The following USP32 variants were observed in gnomAD, a reference collection of about 807,000 sequenced individuals.
USP32 encodes ubiquitin carboxyl-terminal hydrolase 32.
A neutral mutation model predicts 204.8 loss-of-function variants in USP32; 59 were observed. That is an observed-to-expected ratio of 0.29 (90% confidence interval 0.23 to 0.36). The LOEUF (loss-of-function observed/expected upper bound fraction) is 0.36. Ranked by LOEUF, USP32 falls within the 10% of genes least tolerant of loss-of-function variation. USP32 has a pLI of 1.00. For synonymous variants in USP32, 517 were observed against 678.4 expected (o/e 0.76, Z 3.70); for missense variants, 1,160 against 1,946.4 (o/e 0.60, Z 7.60).
intron 16 of USP32, among the ~76,000 whole-genome samples, chr17:60,218,122 C>T (rs549188684): frequency 2.6e-5 from 4 of 152,290 alleles, no homozygotes; most frequent in East Asian, 3.9e-4. Context: ...CTACGAAACA[C>T]TACTGAAAGA....
At chr17:60,289,347 A>C (rs2087210125) in intron 4 of USP32, among the ~76,000 whole-genome samples, 1 of 152,158 alleles carries the variant, frequency 6.6e-6, no homozygotes, top group Admixed American at 6.5e-5. Flanking sequence ...CCAATTTTTC[A>C]CTTGCCTTAT....
intron 14 of USP32, among the ~76,000 whole-genome samples, chr17:60,222,751 C>T (rs1478525114): frequency 7.1e-6 from 1 of 141,594 alleles, no homozygotes; most frequent in Non-Finnish European, 1.5e-5. Flanking sequence ...GCGCGATCTT[C>T]GCTTGCTGCA....
rs1374168352 is a variant in USP32 at position 60,178,060 on chromosome 17, A to G, written c.*1195T>C. Among the ~76,000 whole-genome samples, 1 of 152,224 alleles carries G rather than the reference A, an allele frequency of 6.6e-6. No individual in the cohort carries two copies. Among genetic ancestry groups the G allele is most frequent in the Non-Finnish European group, 1.5e-5 (1 of 68,044 alleles). On this transcript the variant is annotated 3_prime_UTR_variant, in exon 34 of 34. Coordinates refer to ENST00000300896, the MANE Select transcript of USP32 (RefSeq NM_032582.4). ...AGTAAGCAAAGAAACATAACTTTCG[A>G]TGACTACTGTAAAATTTAAAAAAAA...
chr17:60,218,329 A>T (rs573367679), intron 16 of USP32, among the ~76,000 whole-genome samples: 2 of 152,262 alleles, frequency 1.3e-5, no homozygotes, highest in South Asian at 4.1e-4. Context: ...GCTTGCAGTG[A>T]GCCGAGATCG....
At chr17:60,269,377 A>G in intron 7 of USP32, 73 bp downstream of exon 7, 1 of 1,136,258 alleles carries the variant, frequency 8.8e-7, no homozygotes, top group Admixed American at 2.5e-5. Context: ...ATCCACAGAT[A>G]ATTTTACATT....
At chr17:60,398,593 G>A (rs2089914713) in intron 1 of USP32, among the ~76,000 whole-genome samples, 1 of 152,060 alleles carries the variant, frequency 6.6e-6, no homozygotes, top group Non-Finnish European at 1.5e-5. Flanking sequence ...TATAAATGTT[G>A]CAAATAGTTC....
chr17:60,313,290 T>G (rs1027059647), intron 2 of USP32, among the ~76,000 whole-genome samples: 1 of 152,106 alleles, frequency 6.6e-6, no homozygotes, highest in Non-Finnish European at 1.5e-5. Context: ...ATGCAAGCTC[T>G]GTTCCTATAT....
chr17:60,235,659 A>C (rs1598114754), intron 12 of USP32, among the ~76,000 whole-genome samples: 1 of 152,332 alleles, frequency 6.6e-6, no homozygotes, highest in Non-Finnish European at 1.5e-5. Flanking sequence ...AAAAAATTCC[A>C]TTTTAATGGA....
At position 60,182,279 on chromosome 17, in the gene USP32, T is replaced by C. The variant is rs374026543; in HGVS notation, c.4124-531A>G. Among the ~76,000 whole-genome samples the C allele has an allele frequency of 1.3e-3, 201 of 152,336 alleles. 1 individual carries two copies. Among genetic ancestry groups the C allele is most frequent in the African/African-American group, 4.5e-3 (188 of 41,570 alleles). ...AATTATTGAGAACCTTTAGAACTTTTATGTGAATTTTATCTATCAATATTT... is the reference window on the plus strand; with the variant it reads ...AATTATTGAGAACCTTTAGAACTTTCATGTGAATTTTATCTATCAATATTT... On this transcript the variant is annotated intron_variant, in intron 31 of 33. Transcript: ENST00000300896.
chr17:60,222,774 C>G, intron 14 of USP32, among the ~76,000 whole-genome samples: 1 of 151,312 alleles, frequency 6.6e-6, no homozygotes, highest in East Asian at 1.9e-4. Context: ...CTCCGCCTCC[C>G]GGGTTCCAGT....
At chr17:60,199,865 A>G (rs2084629073) in intron 26 of USP32, among the ~76,000 whole-genome samples, 1 of 152,200 alleles carries the variant, frequency 6.6e-6, no homozygotes, top group Non-Finnish European at 1.5e-5. Context: ...GTTACTACTG[A>G]GATAAATTCT....
intron 29 of USP32, among the ~76,000 whole-genome samples, chr17:60,188,853 G>A (rs540520691): frequency 1.2e-4 from 19 of 152,256 alleles, no homozygotes; most frequent in African/African-American, 4.3e-4. Flanking sequence ...TACATGTAGG[G>A]GAGCCCAGAT....
At chr17:60,269,834 T>C (rs1235265276) in intron 6 of USP32, among the ~76,000 whole-genome samples, 1 of 152,102 alleles carries the variant, frequency 6.6e-6, no homozygotes, top group Non-Finnish European at 1.5e-5. Flanking sequence ...AAAATGACTA[T>C]TTTTGAAGTC....
At chr17:60,204,466 C>CT (rs748141290) in intron 26 of USP32, among the ~76,000 whole-genome samples, 2,092 of 129,384 alleles carry the variant, frequency 0.016, 38 homozygotes, top group South Asian at 0.036. Context: ...TTAGGAGATA[C>CT]TTTTTTTTTT....
chr17:60,288,826 G>A (rs946438056), intron 4 of USP32, 144 bp from the exon 5 acceptor site: 3 of 631,862 alleles, frequency 4.7e-6, no homozygotes, highest in African/African-American at 1.8e-5. Flanking sequence ...ACTGCAGGGT[G>A]TATATACATA....
rs2088512054 is a variant in USP32, at chr17:60,336,202, C to T, written c.186+9279G>A. The stretch of plus-strand genomic sequence containing the variant: ...CAAGGAGTTCACTAGTCCCATTACG[C>T]TTAACTATATGTTAGATCTTCTATT... On this transcript the variant is annotated intron_variant, in intron 2 of 33. Coordinates refer to ENST00000300896, the MANE Select transcript of USP32 (RefSeq NM_032582.4). 1.4e-5 allele frequency among the ~76,000 whole-genome samples: 2 copies of T among 143,124 alleles called. 1 individual carries two copies. Among genetic ancestry groups the T allele is most frequent in the South Asian group, 4.2e-4 (2 of 4,714 alleles). 93.9% of individuals were successfully genotyped at this position (143,124 alleles called of 152,430 possible).
chr17:60,284,410 A>T (rs1205799665), intron 5 of USP32, among the ~76,000 whole-genome samples: 3 of 151,256 alleles, frequency 2.0e-5, no homozygotes, highest in Admixed American at 6.6e-5. Context: ...TAGTAGAGAC[A>T]GGGGTTTCAC....
intron 12 of USP32, among the ~76,000 whole-genome samples, chr17:60,234,335 G>T (rs1487393272): frequency 2.0e-5 from 3 of 150,998 alleles, no homozygotes; most frequent in African/African-American, 7.3e-5. Flanking sequence ...GGATGGTCTC[G>T]ATCTCCCGAC....
At chr17:60,210,011 T>C (rs1055317455) in intron 21 of USP32, among the ~76,000 whole-genome samples, 5 of 152,140 alleles carry the variant, frequency 3.3e-5, no homozygotes, top group Non-Finnish European at 7.4e-5. Context: ...TGTGTATACA[T>C]TATTTTATAT....
Sources: gnomAD v4.1 joint callset for allele counts (sites outside exome capture counted in the v4.1 genomes callset) on GRCh38, gnomAD v4.1.1 for gene constraint, MANE v1.5 for transcripts, NCBI Gene and HGNC (gene_info 2026-07-23, HGNC 2026-07-21) for gene names.